SEMA5A: variants seen among roughly 807,000 people sequenced by gnomAD.
SEMA5A encodes the protein semaphorin 5A.
Under a neutral mutation model 135.5 loss-of-function variants are expected in SEMA5A, and 55 were observed. The ratio of observed to expected loss-of-function variants is 0.41; its 90% CI spans 0.33 to 0.51. The LOEUF (loss-of-function observed/expected upper bound fraction) is 0.51. Ranked by LOEUF, SEMA5A falls within the 20% of genes least tolerant of loss-of-function variation. The probability of loss-of-function intolerance (pLI) is 0.37; values close to 1 mark genes in which losing one functional copy is unlikely to be tolerated. For synonymous variants in SEMA5A, 580 were observed against 546.5 expected (o/e 1.06, Z -0.85); for missense variants, 1,290 against 1,419.9 (o/e 0.91, Z 1.47).
chr5:9,153,378 AGTAC>A (rs1241858943), intron 12 of SEMA5A, among the ~76,000 whole-genome samples: 1 of 152,216 alleles, frequency 6.6e-6, no homozygotes, highest in African/African-American at 2.4e-5. Flanking sequence ...TGATGTATAC[AGTAC>A]TTTTTCATTT....
intron 1 of SEMA5A, among the ~76,000 whole-genome samples, chr5:9,524,129 G>A (rs891619955): frequency 6.6e-6 from 1 of 152,150 alleles, no homozygotes; most frequent in Non-Finnish European, 1.5e-5. Flanking sequence ...TTGTTGAAAA[G>A]TATAGTTCTT....
At chr5:9,217,427 T>G (rs553816911) in intron 8 of SEMA5A, among the ~76,000 whole-genome samples, 5 of 152,334 alleles carry the variant, frequency 3.3e-5, no homozygotes, top group Non-Finnish European at 7.3e-5. Flanking sequence ...TTAACATTCT[T>G]TCTTTCATTT....
At chr5:9,324,600 T>C (rs1021059519) in intron 4 of SEMA5A, among the ~76,000 whole-genome samples, 3 of 152,132 alleles carry the variant, frequency 2.0e-5, no homozygotes, top group Non-Finnish European at 2.9e-5. Context: ...GCTTGATCCA[T>C]CACAGTTTAG....
rs899724751 is a variant in SEMA5A at position 9,204,034 on chromosome 5, T to G, written c.647-1794A>C. ...AAGTCTCCAAAACAGAATTACCTGA[T>G]GAAGCAGGCCCCAAAAGCAAAGATA... On this transcript the variant is annotated intron_variant, in intron 8 of 22. Coordinates refer to ENST00000382496, the MANE Select transcript of SEMA5A (RefSeq NM_003966.3). The surrounding 1 kb of genome is among the most constrained non-coding windows in gnomAD (Gnocchi z 6.4). Among the ~76,000 whole-genome samples the G allele has an allele frequency of 2.0e-5, 3 of 152,152 alleles. No homozygotes were observed. The highest frequency in any genetic ancestry group is 7.2e-5 in the African/African-American group (3 of 41,422).
At chr5:9,467,439 C>G (rs1759305254) in intron 1 of SEMA5A, among the ~76,000 whole-genome samples, 1 of 152,118 alleles carries the variant, frequency 6.6e-6, no homozygotes, top group South Asian at 2.1e-4. Flanking sequence ...GCCTGATGAG[C>G]CTTTGCTTAT....
chr5:9,237,526 C>T (rs1747974621), intron 6 of SEMA5A, among the ~76,000 whole-genome samples: 1 of 152,116 alleles, frequency 6.6e-6, no homozygotes, highest in Non-Finnish European at 1.5e-5. Flanking sequence ...CTTAAAAATT[C>T]AGGCCCATAT....
chr5:9,230,951 T>C (rs1188146493), intron 6 of SEMA5A, among the ~76,000 whole-genome samples: 1 of 152,206 alleles, frequency 6.6e-6, no homozygotes, highest in Non-Finnish European at 1.5e-5. Flanking sequence ...TTCCCGTTCT[T>C]ACTCCCTTAA....
chr5:9,269,147 C>T (rs1208996642), intron 5 of SEMA5A, among the ~76,000 whole-genome samples: 1 of 152,046 alleles, frequency 6.6e-6, no homozygotes, highest in East Asian at 1.9e-4. Flanking sequence ...CCTCATGCCT[C>T]TAATTTGTCA....
At chr5:9,107,580 A>C (rs1739991491) in intron 16 of SEMA5A, among the ~76,000 whole-genome samples, 1 of 152,200 alleles carries the variant, frequency 6.6e-6, no homozygotes, top group Non-Finnish European at 1.5e-5. Context: ...TGTGACTCAG[A>C]AATCAGAACA....
intron 1 of SEMA5A, among the ~76,000 whole-genome samples, chr5:9,454,887 C>A (rs1483593649): frequency 6.6e-6 from 1 of 152,034 alleles, no homozygotes; most frequent in Non-Finnish European, 1.5e-5. Context: ...AGAAAGTGAA[C>A]AAAAATAAAA....
intron 12 of SEMA5A, among the ~76,000 whole-genome samples, chr5:9,154,086 T>TGG (rs1742805528): frequency 1.8e-5 from 2 of 108,210 alleles, no homozygotes; most frequent in African/African-American, 3.4e-5. Flanking sequence ...TATATATATA[T>TGG]ATATATATGT....
At chr5:9,360,529 C>T (rs3797996) in intron 3 of SEMA5A, among the ~76,000 whole-genome samples, 16,592 of 152,074 alleles carry the variant, frequency 0.11, 1,233 homozygotes, top group African/African-American at 0.21. Flanking sequence ...TAAAACAACA[C>T]GATAGCTTAC....
intron 2 of SEMA5A, among the ~76,000 whole-genome samples, chr5:9,436,155 A>G (rs776043443): frequency 5.3e-5 from 8 of 152,200 alleles, no homozygotes; most frequent in Admixed American, 2.0e-4. Context: ...AAGGGTTGTT[A>G]TGAGAATTTT....
At chr5:9,313,486 G>A (rs948881528) in intron 5 of SEMA5A, among the ~76,000 whole-genome samples, 4 of 152,150 alleles carry the variant, frequency 2.6e-5, no homozygotes, top group African/African-American at 4.8e-5. Context: ...TTAGGGAAGA[G>A]TAAGCATATT....
At chr5:9,350,065 G>A (rs1036990169) in intron 3 of SEMA5A, among the ~76,000 whole-genome samples, 1 of 152,146 alleles carries the variant, frequency 6.6e-6, no homozygotes, top group African/African-American at 2.4e-5. Flanking sequence ...GTGGCTACAC[G>A]ATTGGACAGC....
rs567512513 is a variant in SEMA5A at position 9,100,321 on chromosome 5, G to T, written c.2073+7819C>A. 1.1e-3 allele frequency among the ~76,000 whole-genome samples: 164 copies of T among 152,294 alleles called. 2 individuals carry two copies. Among genetic ancestry groups the T allele is most frequent in the South Asian group, 9.1e-3 (44 of 4,814 alleles). ...CCCTCAGCCTCCTGTGGTCCCAGCT[G>T]CGGGCAAAATGGTGGTCAGTTCTTT... On this transcript the variant is annotated intron_variant, in intron 16 of 22. Coordinates refer to ENST00000382496, the MANE Select transcript of SEMA5A (RefSeq NM_003966.3).
chr5:9,221,269 T>G (rs1001129801), intron 8 of SEMA5A, among the ~76,000 whole-genome samples: 15 of 152,062 alleles, frequency 9.9e-5, no homozygotes, highest in Non-Finnish European at 1.9e-4. Context: ...GTTTTTGTCT[T>G]ACTTAAGAGA....
chr5:9,283,646 G>T (rs1296035449), intron 5 of SEMA5A, among the ~76,000 whole-genome samples: 2 of 152,136 alleles, frequency 1.3e-5, no homozygotes, highest in African/African-American at 4.8e-5. Flanking sequence ...TATAGGGTAG[G>T]TCCACCAGGG....
chr5:9,448,081 G>A (rs2126697010), intron 1 of SEMA5A, among the ~76,000 whole-genome samples: 1 of 152,310 alleles, frequency 6.6e-6, no homozygotes, highest in Non-Finnish European at 1.5e-5. Context: ...GGGCCAAGAT[G>A]CTTCTTCCCT....
Sources: allele counts gnomAD v4.1 joint callset (sites outside exome capture counted in the v4.1 genomes callset), GRCh38; gene constraint gnomAD v4.1.1; non-coding constraint Gnocchi (gnomAD v3.1); transcripts MANE v1.5; gene names NCBI Gene and HGNC (gene_info 2026-07-23, HGNC 2026-07-21).